Variants in FNDC3B observed in about 807,000 individuals in gnomAD.
FNDC3B encodes the protein fibronectin type III domain-containing protein 3B.
FNDC3B carries 12 observed loss-of-function variants against 151.5 expected under a neutral mutation model. The ratio of observed to expected loss-of-function variants is 0.08; its 90% confidence interval spans 0.05 to 0.13. The LOEUF (loss-of-function observed/expected upper bound fraction) is 0.13, where lower values mean the gene tolerates loss of function less well. Ranked by LOEUF, FNDC3B falls within the 10% of genes least tolerant of loss-of-function variation. FNDC3B has a pLI of 1.00. For missense variants in FNDC3B, 1,214 were observed against 1,505.3 expected (o/e 0.81, Z 3.20); for synonymous variants, 528 against 549.0 (o/e 0.96, Z 0.54).
intron 21 of FNDC3B, among the ~76,000 whole-genome samples, chr3:172,349,493 G>A (rs1215239760): frequency 6.6e-6 from 1 of 152,124 alleles, no homozygotes; most frequent in Non-Finnish European, 1.5e-5. Context: ...TTTGAAAACT[G>A]TTAATAAAAA....
At chr3:172,392,798 C>CTTTTTTTTTTTTTTTTTTTTTTTT (rs11450405) in intron 25 of FNDC3B, among the ~76,000 whole-genome samples, 2 of 86,280 alleles carry the variant, frequency 2.3e-5, no homozygotes, top group African/African-American at 3.5e-5. Flanking sequence ...TGAATTTTTT[C>CTTTTTTTTTTTTTTTTTTTTTTTT]TTTTTTTTTT....
intron 1 of FNDC3B, among the ~76,000 whole-genome samples, chr3:172,056,964 T>C (rs1420032170): frequency 6.6e-6 from 1 of 152,166 alleles, no homozygotes; most frequent in Admixed American, 6.5e-5. Context: ...AAAGCACCTG[T>C]GGGGGAAAGC....
chr3:172,353,209 G>C, intron 22 of FNDC3B, 126 bp downstream of exon 22: 2 of 910,028 alleles, frequency 2.2e-6, no homozygotes, highest in Non-Finnish European at 3.3e-6. Context: ...GATGTCCAGA[G>C]TATTGTCTCA....
chr3:172,116,650 C>A (rs142852496), intron 2 of FNDC3B, among the ~76,000 whole-genome samples: 1,660 of 152,232 alleles, frequency 0.011, 32 homozygotes, highest in African/African-American at 0.038. Context: ...ACTGCAACAT[C>A]CACCTTCCGG....
At chr3:172,110,276 A>G (rs1719894662) in intron 1 of FNDC3B, among the ~76,000 whole-genome samples, 1 of 152,146 alleles carries the variant, frequency 6.6e-6, no homozygotes, top group Non-Finnish European at 1.5e-5. Context: ...CCCTCACAGG[A>G]CTCACACAAG....
chr3:172,121,933 TTC>T (rs1185659867), intron 2 of FNDC3B, among the ~76,000 whole-genome samples: 1 of 152,216 alleles, frequency 6.6e-6, no homozygotes, highest in Non-Finnish European at 1.5e-5. Context: ...AAACTCTGAT[TTC>T]TCCTTTTCTT....
chr3:172,213,943 C>T (rs903115162), intron 3 of FNDC3B, among the ~76,000 whole-genome samples: 2 of 152,164 alleles, frequency 1.3e-5, no homozygotes, highest in Non-Finnish European at 2.9e-5. Flanking sequence ...GAAATTGTAG[C>T]TTGTTTAGTA....
chr3:172,112,317 A>G lies in FNDC3B; in HGVS notation c.-28-135A>G, dbSNP rs543814095. 5 of 636,840 alleles carry G rather than the reference A, an allele frequency of 7.9e-6. No individual in the cohort carries two copies. In the East Asian group the frequency reaches 8.2e-5, roughly 10 times the overall value. The allele number at this position is 636,840 out of a possible 1,614,324, so 39.4% of individuals were successfully genotyped here. On this transcript the variant is annotated intron_variant, in intron 1 of 25. Transcript: ENST00000415807. The stretch of plus-strand genomic sequence containing the variant: ...GTTCTACCCCTCTTTGGGGCCTGAC[A>G]TAATAATACAGGGCTCTCAAATTAG...
intron 2 of FNDC3B, chr3:172,127,189 T>C: frequency 4.7e-6 from 2 of 424,098 alleles, no homozygotes; most frequent in Non-Finnish European, 9.4e-6. Flanking sequence ...GAAAAAGAAG[T>C]TGGGGGTAGA....
intron 3 of FNDC3B, among the ~76,000 whole-genome samples, chr3:172,224,670 C>T (rs368146248): frequency 2.1e-4 from 32 of 152,116 alleles, no homozygotes; most frequent in African/African-American, 7.5e-4. Context: ...ATTGTGTGCA[C>T]GTTTAAATGC....
intron 1 of FNDC3B, among the ~76,000 whole-genome samples, chr3:172,083,533 A>G (rs1718388541): frequency 6.6e-6 from 1 of 152,248 alleles, no homozygotes; most frequent in African/African-American, 2.4e-5. Flanking sequence ...CAGGATATGT[A>G]GAAGCATGAG....
intron 12 of FNDC3B, chr3:172,329,360 A>T (rs925478283): frequency 1.2e-5 from 4 of 338,090 alleles, no homozygotes; most frequent in Non-Finnish European, 2.1e-5. Context: ...TTCCTCTTGG[A>T]GCTTTAATTT....
chr3:172,147,880 A>G (rs1258397720), intron 3 of FNDC3B, among the ~76,000 whole-genome samples: 2 of 152,292 alleles, frequency 1.3e-5, no homozygotes, highest in East Asian at 3.9e-4. Context: ...AATGGACAAA[A>G]GGGAAAAAAA....
chr3:172,260,933 AGGGG>A (rs1040160449), intron 6 of FNDC3B, among the ~76,000 whole-genome samples: 1 of 152,162 alleles, frequency 6.6e-6, no homozygotes, highest in African/African-American at 2.4e-5. Context: ...CTTTGCTAAA[AGGGG>A]GAGATTTCAG....
At chr3:172,328,866 TG>T in intron 11 of FNDC3B, 85 bp from the exon 12 acceptor site, 3 of 1,022,910 alleles carry the variant, frequency 2.9e-6, no homozygotes, top group Non-Finnish European at 4.1e-6. Context: ...TTATTCAAGA[TG>T]TTCAAGATGC....
intron 25 of FNDC3B, among the ~76,000 whole-genome samples, chr3:172,385,660 G>T (rs1243191594): frequency 6.6e-6 from 1 of 151,072 alleles, no homozygotes; most frequent in Admixed American, 6.6e-5. Flanking sequence ...CCGGGTTCAC[G>T]CCATTCTCCT....
intron 22 of FNDC3B, among the ~76,000 whole-genome samples, chr3:172,355,809 C>T (rs1012996109): frequency 5.3e-5 from 8 of 152,158 alleles, no homozygotes. Context: ...CTGCCTCCAA[C>T]CTCTTCTTTA....
At chr3:172,131,469 C>T (rs976855878) in intron 2 of FNDC3B, among the ~76,000 whole-genome samples, 1 of 151,000 alleles carries the variant, frequency 6.6e-6, no homozygotes, top group African/African-American at 2.4e-5. Context: ...GTTTTTGAAA[C>T]AGTACAGTGT....
intron 7 of FNDC3B, among the ~76,000 whole-genome samples, chr3:172,289,291 C>T (rs1730191379): frequency 1.3e-5 from 2 of 152,192 alleles, no homozygotes. Flanking sequence ...CTCTCACTGT[C>T]CTGCCTCCCT....
Sources: gnomAD v4.1 joint callset for allele counts (sites outside exome capture counted in the v4.1 genomes callset) on GRCh38, gnomAD v4.1.1 for gene constraint, MANE v1.5 for transcripts, NCBI Gene and HGNC (gene_info 2026-07-23, HGNC 2026-07-21) for gene names.